NAV2: variants seen among roughly 807,000 people sequenced by gnomAD.
The protein encoded by NAV2 is helicase, APC down-regulated 1.
NAV2 carries 54 observed loss-of-function variants against 223.2 expected under a neutral mutation model. The observed-to-expected ratio is 0.24, with a 90% CI of 0.19 to 0.30. The LOEUF is 0.30. Among genes scored for constraint, NAV2 ranks in the 10% least tolerant of loss-of-function variants. The pLI is 1.00. For missense variants in NAV2, 2,806 were observed against 3,147.5 expected (o/e 0.89, Z 2.60); for synonymous variants, 1,279 against 1,239.3 (o/e 1.03, Z -0.67).
intron 1 of NAV2, among the ~76,000 whole-genome samples, chr11:19,629,044 T>C (rs1306705649): frequency 6.6e-6 from 1 of 152,198 alleles, no homozygotes; most frequent in Non-Finnish European, 1.5e-5. Flanking sequence ...CAGCTTTTGC[T>C]GAAAATATAA....
intron 1 of NAV2, among the ~76,000 whole-genome samples, chr11:19,705,613 T>C (rs2049639280): frequency 6.6e-6 from 1 of 152,140 alleles, no homozygotes; most frequent in South Asian, 2.1e-4. Flanking sequence ...ATCTCACTCT[T>C]GTCTATCTCT....
chr11:19,631,371 C>T (rs935797420), intron 1 of NAV2, among the ~76,000 whole-genome samples: 2 of 151,976 alleles, frequency 1.3e-5, no homozygotes, highest in African/African-American at 4.8e-5. Context: ...GTTTTTTGTC[C>T]TTGTGATAGT....
intron 1 of NAV2, among the ~76,000 whole-genome samples, chr11:19,520,712 C>T (rs2043623116): frequency 6.6e-6 from 1 of 152,192 alleles, no homozygotes; most frequent in South Asian, 2.1e-4. Flanking sequence ...AAAGACAGCT[C>T]AGATTTCAGG....
intron 22 of NAV2, among the ~76,000 whole-genome samples, chr11:20,075,193 T>C (rs1374904976): frequency 6.7e-6 from 1 of 149,756 alleles, no homozygotes; most frequent in Non-Finnish European, 1.5e-5. Flanking sequence ...GCAGAGGCAC[T>C]GTCTCCATGT....
At position 20,103,737 on chromosome 11, in the gene NAV2, T is replaced by C; in HGVS notation, c.6644+13T>C. The stretch of plus-strand genomic sequence containing the variant: ...ACCATAACTTCAGGTCAGTTTTCCC[T>C]TCCCTTGTCCAGTTAAACAATGGAA... On this transcript the variant is annotated intron_variant, in intron 34 of 37. Transcript: ENST00000349880. The C allele has an allele frequency of 6.2e-7, 1 of 1,612,522 alleles. No homozygotes were observed. Among genetic ancestry groups the C allele is most frequent in the Non-Finnish European group, 8.5e-7 (1 of 1,178,498 alleles).
chr11:19,985,052 G>C (rs547902297), intron 11 of NAV2, among the ~76,000 whole-genome samples: 4 of 152,216 alleles, frequency 2.6e-5, no homozygotes, highest in Non-Finnish European at 5.9e-5. Flanking sequence ...CTGGGTTGAT[G>C]AGATGTAACA....
intron 1 of NAV2, among the ~76,000 whole-genome samples, chr11:19,745,392 A>G (rs917234612): frequency 1.3e-5 from 2 of 152,212 alleles, no homozygotes; most frequent in African/African-American, 4.8e-5. Flanking sequence ...TTGGGCCCCT[A>G]AAACTATCTT....
intron 1 of NAV2, among the ~76,000 whole-genome samples, chr11:19,719,377 G>A (rs57175138): frequency 4.3e-4 from 66 of 152,216 alleles, no homozygotes; most frequent in South Asian, 1.0e-3. Flanking sequence ...GCAGTTTTAC[G>A]TGGTAAATTC....
chr11:19,953,870 T>C (rs1389368009), intron 10 of NAV2, among the ~76,000 whole-genome samples: 1 of 151,986 alleles, frequency 6.6e-6, no homozygotes, highest in Non-Finnish European at 1.5e-5. Flanking sequence ...TGTGTGTGTG[T>C]GTGTGTGTGT....
intron 1 of NAV2, among the ~76,000 whole-genome samples, chr11:19,752,699 T>A (rs1436110703): frequency 6.6e-6 from 1 of 152,182 alleles, no homozygotes; most frequent in Non-Finnish European, 1.5e-5. Context: ...TTTGTATAAC[T>A]CATTCCTGAC....
chr11:19,743,097 TC>T (rs200926503), intron 1 of NAV2, among the ~76,000 whole-genome samples: 2,474 of 152,288 alleles, frequency 0.016, 31 homozygotes, highest in Non-Finnish European at 0.026. Flanking sequence ...CAAATTCTAC[TC>T]CCCCTATTTG....
At chr11:19,777,911 T>C (rs2152654543) in intron 1 of NAV2, 1 of 455,972 alleles carries the variant, frequency 2.2e-6, no homozygotes, top group East Asian at 7.0e-5. Flanking sequence ...TGTGTCTTGA[T>C]ACTTTGGGGT....
At chr11:19,876,018 GTATT>G (rs1030583973) in intron 4 of NAV2, among the ~76,000 whole-genome samples, 1 of 151,980 alleles carries the variant, frequency 6.6e-6, no homozygotes, top group African/African-American at 2.4e-5. Context: ...AGTTTCTTAT[GTATT>G]TATTTATTTA....
intron 11 of NAV2, among the ~76,000 whole-genome samples, chr11:20,014,678 G>T (rs1254726115): frequency 6.6e-6 from 1 of 152,136 alleles, no homozygotes; most frequent in East Asian, 1.9e-4. Context: ...AAGGCAGGTG[G>T]ATCACCTGAG....
chr11:19,441,783 G>A (rs976867861), intron 1 of NAV2, among the ~76,000 whole-genome samples: 15 of 152,216 alleles, frequency 9.9e-5, no homozygotes, highest in Non-Finnish European at 2.9e-5. Flanking sequence ...CAGGGAGCCA[G>A]GGGCTGGGGG....
At chr11:19,433,137 C>T (rs748581481) in intron 1 of NAV2, among the ~76,000 whole-genome samples, 54 of 152,266 alleles carry the variant, frequency 3.5e-4, no homozygotes, top group South Asian at 6.2e-4. Flanking sequence ...ATTCTGTCTT[C>T]AAATGCCTGA....
At chr11:19,848,343 G>T (rs2152965810) in intron 3 of NAV2, among the ~76,000 whole-genome samples, 1 of 152,336 alleles carries the variant, frequency 6.6e-6, no homozygotes, top group East Asian at 1.9e-4. Context: ...CACCATAGCT[G>T]CCCCTTGCAG....
At chr11:20,034,342 G>T (rs35486576) in intron 11 of NAV2, among the ~76,000 whole-genome samples, 3,613 of 149,148 alleles carry the variant, frequency 0.024, 68 homozygotes, top group East Asian at 0.054. Context: ...TGTAAGTTTC[G>T]ATCAGCAAGT....
At position 20,048,848 on chromosome 11, in the gene NAV2, G is replaced by T; in HGVS notation, c.4023G>T (p.Pro1341=). 3 of 1,614,094 alleles carry T rather than the reference G, an allele frequency of 1.9e-6. No individual in the cohort carries two copies. Among genetic ancestry groups the T allele is most frequent in the Non-Finnish European group, 2.5e-6 (3 of 1,180,010 alleles). Residue 1341 remains proline, a synonymous_variant, in exon 15 of 38, where the codon CCG becomes CCT. Coordinates refer to ENST00000349880, the MANE Select transcript of NAV2 (RefSeq NM_145117.5). ...CTCAGCAAGGTAACCTAGACTCCCC[G>T]TCAGGCAGTGGCGTCCTGAGCAGTG... The part of the protein sequence containing the change: ...TMTQQGNLDS[P]SGSGVLSSGS...
Sources: allele counts gnomAD v4.1 joint callset (sites outside exome capture counted in the v4.1 genomes callset), GRCh38; gene constraint gnomAD v4.1.1; transcripts MANE v1.5; gene names NCBI Gene and HGNC (gene_info 2026-07-23, HGNC 2026-07-21).